EYA3: variants seen among roughly 807,000 people sequenced by gnomAD.
EYA3 encodes the protein EYA transcriptional coactivator and phosphatase 3.
A neutral mutation model predicts 80.0 loss-of-function variants in EYA3; 39 were observed. The observed-to-expected ratio is 0.49, with a 90% confidence interval of 0.38 to 0.64. The LOEUF (loss-of-function observed/expected upper bound fraction) is 0.64, where lower values mean the gene tolerates loss of function less well. Among genes scored for constraint, EYA3 ranks in the 30% least tolerant of loss-of-function variants. The pLI is 0.00. For synonymous variants in EYA3, 206 were observed against 232.8 expected (o/e 0.88, Z 1.05); for missense variants, 523 against 676.1 (o/e 0.77, Z 2.51).
intron 6 of EYA3, 151 bp from the exon 7 acceptor site, chr1:28,028,077 G>T: frequency 1.2e-6 from 1 of 809,156 alleles, no homozygotes; most frequent in East Asian, 2.7e-5. Flanking sequence ...TCTCCCACTT[G>T]TAATATATCA....
intron 1 of EYA3, among the ~76,000 whole-genome samples, chr1:28,059,875 T>C (rs906924652): frequency 3.9e-5 from 6 of 151,980 alleles, no homozygotes; most frequent in African/African-American, 1.4e-4. Context: ...CGCGCCACCA[T>C]GCCTGGCTAA....
intron 1 of EYA3, among the ~76,000 whole-genome samples, chr1:28,065,926 C>T (rs1016847066): frequency 1.3e-5 from 2 of 151,736 alleles, no homozygotes; most frequent in Non-Finnish European, 2.9e-5. Flanking sequence ...CTGCTTGAAC[C>T]AGGACCCGGG....
At chr1:28,017,308 ATG>A in intron 7 of EYA3, 69 bp from the exon 8 acceptor site, 1 of 1,183,896 alleles carries the variant, frequency 8.4e-7, no homozygotes, top group Non-Finnish European at 1.2e-6. Flanking sequence ...CTGAAAATAG[ATG>A]TGTTTTAAGT....
At chr1:28,035,261 A>G (rs1370350401) in intron 6 of EYA3, among the ~76,000 whole-genome samples, 1 of 152,244 alleles carries the variant, frequency 6.6e-6, no homozygotes, top group Non-Finnish European at 1.5e-5. Context: ...ACCATACTAC[A>G]TTGTATATAA....
At chr1:28,071,382 T>TTC (rs1645016305) in intron 1 of EYA3, among the ~76,000 whole-genome samples, 1 of 152,256 alleles carries the variant, frequency 6.6e-6, no homozygotes, top group African/African-American at 2.4e-5. Context: ...TTGATTGAAG[T>TTC]TCCTATTTTG....
chr1:27,980,337 G>C (rs1253216566), intron 16 of EYA3, among the ~76,000 whole-genome samples: 1 of 152,194 alleles, frequency 6.6e-6, no homozygotes, highest in Non-Finnish European at 1.5e-5. Context: ...CAGATGCACA[G>C]TCTACTATGA....
chr1:28,067,690 T>G (rs17185115), intron 1 of EYA3, among the ~76,000 whole-genome samples: 35,911 of 152,090 alleles, frequency 0.24, 4,364 homozygotes, highest in Non-Finnish European at 0.27. Flanking sequence ...AAGAAGTTAT[T>G]TAGACACTGT....
intron 1 of EYA3, among the ~76,000 whole-genome samples, chr1:28,062,668 G>T (rs1644676125): frequency 6.6e-6 from 1 of 151,248 alleles, no homozygotes; most frequent in Non-Finnish European, 1.5e-5. Context: ...GTGTGTGTGT[G>T]TGTGTGTGTG....
chr1:28,046,825 G>C (rs979698986), intron 3 of EYA3, among the ~76,000 whole-genome samples: 22 of 139,412 alleles, frequency 1.6e-4, no homozygotes, highest in Middle Eastern at 3.6e-3. Flanking sequence ...AGATCTTATA[G>C]TTAAGTTTAT....
intron 2 of EYA3, among the ~76,000 whole-genome samples, chr1:28,057,092 A>G (rs908698171): frequency 2.0e-5 from 3 of 152,208 alleles, no homozygotes; most frequent in African/African-American, 7.2e-5. Flanking sequence ...TGAGAGGGCT[A>G]GAAGAATAAT....
At position 28,073,125 on chromosome 1, in the gene EYA3, A is replaced by AT. The variant is rs1436741265; in HGVS notation, c.-68-15032dup. On this transcript the variant is annotated intron_variant, in intron 1 of 17. Coordinates refer to ENST00000373871, the MANE Select transcript of EYA3 (RefSeq NM_001990.4). ...CTATTATATATATATATATATATAT[A>AT]TATTTTTTTTTTTTTTTTTTTTTTT... 3.4e-3 allele frequency among the ~76,000 whole-genome samples: 112 copies of AT among 32,564 alleles called. 4 individuals carry two copies. Among genetic ancestry groups the AT allele is most frequent in the Non-Finnish European group, 5.1e-3 (92 of 17,894 alleles). 21.4% of individuals were successfully genotyped at this position (32,564 alleles called of 152,430 possible).
chr1:28,026,742 G>T (rs979558178), intron 7 of EYA3, among the ~76,000 whole-genome samples: 3 of 151,026 alleles, frequency 2.0e-5, no homozygotes, highest in Admixed American at 1.3e-4. Context: ...AAGAAAGAAG[G>T]GGGAGAGGAC....
In EYA3 at chr1:27,993,524, T is replaced by C. The variant is rs1412872068; in HGVS notation, c.1179A>G (p.Ser393=). ...YSFSTDGFSG[S]GGSGSHGSSV... ...ATGAACCATGGCTGCCACTACCTCCTGAGCCACTGAAACCATCTGTTGAGA... is the reference window on the plus strand; with the variant it reads ...ATGAACCATGGCTGCCACTACCTCCCGAGCCACTGAAACCATCTGTTGAGA... Residue 393 remains serine (S), a synonymous_variant, in exon 14 of 18, where the codon TCA becomes TCG. Transcript: ENST00000373871. 3 of 1,608,986 alleles carry C rather than the reference T, an allele frequency of 1.9e-6. No individual in the cohort carries two copies. The highest frequency in any genetic ancestry group is 1.7e-6 in the Non-Finnish European group (2 of 1,178,516).
At position 27,996,119 on chromosome 1, in the gene EYA3, C is replaced by T. The variant is rs182535967; in HGVS notation, c.1142+1201G>A. Among the ~76,000 whole-genome samples, 213 of 152,330 alleles carry T rather than the reference C, an allele frequency of 1.4e-3. 1 individual carries two copies. The highest frequency in any genetic ancestry group is 4.7e-3 in the African/African-American group (197 of 41,572). On this transcript the variant is annotated intron_variant, in intron 13 of 17. Coordinates refer to ENST00000373871, the MANE Select transcript of EYA3 (RefSeq NM_001990.4). ...AACTCCTGACCTCAAGTGATTGGCC[C>T]GCACTGGCCTCCTGAAGTGCTGGGA... is the stretch of plus-strand genomic sequence containing the variant.
chr1:28,052,970 A>G (rs1318694363), intron 2 of EYA3, among the ~76,000 whole-genome samples: 1 of 151,662 alleles, frequency 6.6e-6, no homozygotes, highest in Admixed American at 6.6e-5. Context: ...GCTGGGCAAC[A>G]GAGTAAGACC....
At chr1:27,980,860 G>GTA (rs1267227053) in intron 16 of EYA3, among the ~76,000 whole-genome samples, 7 of 152,184 alleles carry the variant, frequency 4.6e-5, no homozygotes, top group African/African-American at 1.7e-4. Flanking sequence ...GCAACACAGT[G>GTA]GGACCTTTTC....
chr1:28,041,011 T>A (rs1226255436), intron 4 of EYA3, among the ~76,000 whole-genome samples: 1 of 152,146 alleles, frequency 6.6e-6, no homozygotes, highest in Non-Finnish European at 1.5e-5. Context: ...AGATAGCATA[T>A]GAAACACAAA....
intron 4 of EYA3, among the ~76,000 whole-genome samples, chr1:28,041,801 T>C (rs1178110194): frequency 1.3e-5 from 2 of 152,166 alleles, no homozygotes; most frequent in Non-Finnish European, 2.9e-5. Flanking sequence ...AGATCCACCA[T>C]GCCCAGTTGA....
chr1:27,981,906 A>G (rs542958105), intron 16 of EYA3, among the ~76,000 whole-genome samples: 38 of 152,170 alleles, frequency 2.5e-4, no homozygotes, highest in Non-Finnish European at 5.3e-4. Flanking sequence ...TGGCACAATC[A>G]TAGCTCACTG....
Sources: allele counts gnomAD v4.1 joint callset (sites outside exome capture counted in the v4.1 genomes callset), GRCh38; gene constraint gnomAD v4.1.1; transcripts MANE v1.5; gene names NCBI Gene and HGNC (gene_info 2026-07-23, HGNC 2026-07-21).